Variants in NAA25 observed in about 807,000 individuals in gnomAD.
The protein encoded by NAA25 is N-terminal acetyltransferase B complex subunit NAA25.
NAA25 carries 30 observed loss-of-function variants against 132.5 expected under a neutral mutation model. The ratio of observed to expected loss-of-function variants is 0.23; its 90% confidence interval spans 0.17 to 0.31. The LOEUF is 0.31. Ranked by LOEUF, NAA25 falls within the 10% of genes least tolerant of loss-of-function variation. The pLI, the probability that NAA25 is intolerant of heterozygous loss-of-function variation, is 1.00. For missense variants in NAA25, 771 were observed against 1,150.4 expected, an observed-to-expected ratio of 0.67 and a Z score of 4.77; for synonymous variants, 359 against 401.9, an observed-to-expected ratio of 0.89 and a Z score of 1.28.
intron 10 of NAA25, among the ~76,000 whole-genome samples, chr12:112,071,187 T>G (rs988221883): frequency 2.7e-5 from 4 of 150,922 alleles, no homozygotes; most frequent in African/African-American, 7.3e-5. Flanking sequence ...TCCACCCAAT[T>G]TTTTGTATTT....
intron 13 of NAA25, among the ~76,000 whole-genome samples, chr12:112,055,180 C>G (rs1019447105): frequency 1.3e-5 from 2 of 152,072 alleles, no homozygotes; most frequent in African/African-American, 4.8e-5. Flanking sequence ...AGTTATCGTA[C>G]TATCTAGTGA....
intron 13 of NAA25, among the ~76,000 whole-genome samples, chr12:112,055,127 A>T (rs2078525884): frequency 6.6e-6 from 1 of 152,220 alleles, no homozygotes; most frequent in Admixed American, 6.5e-5. Flanking sequence ...ATCCATCTAA[A>T]GAAAATACTA....
chr12:112,071,777 G>T (rs1309376955), intron 10 of NAA25, 118 bp downstream of exon 10: 6 of 676,684 alleles, frequency 8.9e-6, no homozygotes, highest in Non-Finnish European at 1.2e-5. Flanking sequence ...ATATTTTCAG[G>T]CTATGAAGAC....
intron 1 of NAA25, among the ~76,000 whole-genome samples, chr12:112,100,060 A>T (rs2079270541): frequency 6.6e-6 from 1 of 152,242 alleles, no homozygotes; most frequent in Admixed American, 6.5e-5. Flanking sequence ...ACATTCCTTC[A>T]CTCAGCAAGC....
At chr12:112,072,992 G>T (rs1019685093) in intron 9 of NAA25, among the ~76,000 whole-genome samples, 6 of 151,876 alleles carry the variant, frequency 4.0e-5, no homozygotes, top group African/African-American at 1.5e-4. Context: ...CTAGCATTTT[G>T]GGAGGCCAAG....
chr12:112,069,880 C>T (rs938359335), intron 10 of NAA25, among the ~76,000 whole-genome samples: 1 of 151,640 alleles, frequency 6.6e-6, no homozygotes, highest in Non-Finnish European at 1.5e-5. Flanking sequence ...GTAATCCCAG[C>T]ACTTCGGGAG....
chr12:112,067,378 T>A (rs7972112), intron 11 of NAA25, among the ~76,000 whole-genome samples: 53,956 of 152,000 alleles, frequency 0.35, 14,008 homozygotes, highest in East Asian at 0.85. Context: ...TATATAAAAA[T>A]CTCTGCAAAC....
At chr12:112,104,258 T>C (rs549278909) in intron 1 of NAA25, among the ~76,000 whole-genome samples, 1 of 152,336 alleles carries the variant, frequency 6.6e-6, no homozygotes, top group South Asian at 2.1e-4. Flanking sequence ...GCACACATTT[T>C]TTCTACTTTG....
chr12:112,039,966 G>GAGT (rs2078280187), intron 21 of NAA25: 1 of 155,108 alleles, frequency 6.4e-6, no homozygotes, highest in Non-Finnish European at 1.4e-5. Flanking sequence ...TCCCCACACA[G>GAGT]AGTAGTAAGG....
intron 11 of NAA25, among the ~76,000 whole-genome samples, chr12:112,067,019 T>C: frequency 6.6e-6 from 1 of 152,138 alleles, no homozygotes; most frequent in Non-Finnish European, 1.5e-5. Flanking sequence ...CTGACCAACA[T>C]GGTAAAACCC....
chr12:112,087,598 T>C (rs1456773267), intron 4 of NAA25, 85 bp downstream of exon 4: 7 of 866,880 alleles, frequency 8.1e-6, no homozygotes, highest in South Asian at 3.0e-5. Flanking sequence ...CACACACACA[T>C]ACCCAGTGCA....
rs1566020521 is a variant in NAA25 at position 112,074,738 on chromosome 12, G to A, written c.803C>T (p.Thr268Ile). The A allele has an allele frequency of 6.2e-7, 1 of 1,611,850 alleles. No individual in the cohort carries two copies. The change falls in exon 9 of 24, where the codon ACT becomes ATT. Residue 268 changes from threonine to isoleucine, a missense_variant. Thr to Ile is a moderately conservative substitution (Grantham distance 89). Coordinates refer to ENST00000261745, the MANE Select transcript of NAA25 (RefSeq NM_024953.4). ...KNSDDWQFYL[T>I]YFDSVFRLIE... is the part of the protein sequence containing the mutation. ...CAGTCGAAAGACAGAATCGAAATAA[G>A]TCAGATAGAACTGCCAGTCATCTGA...
At chr12:112,048,121 G>A (rs1195391999) in intron 16 of NAA25, among the ~76,000 whole-genome samples, 171 bp downstream of exon 16, 1 of 152,104 alleles carries the variant, frequency 6.6e-6, no homozygotes, top group Admixed American at 6.6e-5. Context: ...GTTGCTGGCA[G>A]TACTCTACCA....
intron 13 of NAA25, 40 bp from the exon 14 acceptor site, chr12:112,054,608 C>A (rs753389813): frequency 1.9e-6 from 3 of 1,552,300 alleles, no homozygotes. Context: ...ATCTTGACAG[C>A]AAATGAAAGC....
intron 1 of NAA25, among the ~76,000 whole-genome samples, chr12:112,096,279 GC>G (rs1251973629): frequency 1.3e-5 from 2 of 152,218 alleles, no homozygotes; most frequent in African/African-American, 4.8e-5. Flanking sequence ...CTGAACACAG[GC>G]CAGTTCACAA....
intron 7 of NAA25, among the ~76,000 whole-genome samples, chr12:112,076,669 T>C (rs1443054830): frequency 6.6e-6 from 1 of 152,018 alleles, no homozygotes; most frequent in Non-Finnish European, 1.5e-5. Context: ...ATCTAACTTT[T>C]TACTATCCAT....
At chr12:112,069,451 C>G (rs917233144) in intron 10 of NAA25, among the ~76,000 whole-genome samples, 1 of 152,128 alleles carries the variant, frequency 6.6e-6, no homozygotes, top group African/African-American at 2.4e-5. Flanking sequence ...TGCAGTGAGC[C>G]AAGATCATGC....
In NAA25 at chr12:112,031,045, G is replaced by A. The variant is rs188508335; in HGVS notation, c.2797-1392C>T. ...CCTCCAGCCTTGGGCCTCCCAAAGT[G>A]CTGAGATTACAGCCATGAGCCACTA... On this transcript the variant is annotated intron_variant, in intron 23 of 23. Transcript: ENST00000261745. Among the ~76,000 whole-genome samples, 291 of 151,918 alleles carry A rather than the reference G, an allele frequency of 1.9e-3. 1 individual carries two copies. Among genetic ancestry groups the A allele is most frequent in the Non-Finnish European group, 1.7e-3 (118 of 67,978 alleles).
At chr12:112,032,065 A>C (rs1252043613) in intron 23 of NAA25, among the ~76,000 whole-genome samples, 1 of 151,392 alleles carries the variant, frequency 6.6e-6, no homozygotes. Context: ...TGGGGTTCAC[A>C]ACATTCCCCT....
Sources: allele counts gnomAD v4.1 joint callset (sites outside exome capture counted in the v4.1 genomes callset), GRCh38; gene constraint gnomAD v4.1.1; transcripts MANE v1.5; gene names NCBI Gene and HGNC (gene_info 2026-07-23, HGNC 2026-07-21).